Variants in LIN52 observed in about 807,000 individuals in gnomAD.
LIN52 encodes lin-52 DREAM MuvB core complex component, also known as protein lin-52 homolog.
LIN52 carries 4 observed loss-of-function variants against 18.5 expected under a neutral mutation model. That is an observed-to-expected ratio of 0.22 (90% CI 0.11 to 0.49). The LOEUF (loss-of-function observed/expected upper bound fraction) is 0.49. Among genes scored for constraint, LIN52 ranks in the 20% least tolerant of loss-of-function variants. The probability of loss-of-function intolerance (pLI) is 0.97; values close to 1 mark genes in which losing one functional copy is unlikely to be tolerated. For synonymous variants in LIN52, 34 were observed against 45.5 expected (o/e 0.75, Z 1.02); for missense variants, 102 against 139.5 (o/e 0.73, Z 1.35).
intron 5 of LIN52, among the ~76,000 whole-genome samples, chr14:74,164,287 GT>G (rs59345368): frequency 6.7e-6 from 1 of 148,532 alleles, no homozygotes; most frequent in African/African-American, 2.5e-5. Context: ...AGCCGTTTTT[GT>G]TTTTTTTTGC....
Position 74,197,714 on chromosome 14 carries a change from A to G in LIN52, c.284-1208A>G, listed in dbSNP as rs185506547. Reference sequence around the variant, plus strand: ...TTTGTTGGGGCACAGGAACTAGTGAAAGATGGGGAATGTATAGACTGAAGT... The same window carrying G: ...TTTGTTGGGGCACAGGAACTAGTGAGAGATGGGGAATGTATAGACTGAAGT... On this transcript the variant is annotated intron_variant, in intron 5 of 5. Transcript: ENST00000555028. Among the ~76,000 whole-genome samples, 242 of 152,324 alleles carry G rather than the reference A, an allele frequency of 1.6e-3. 6 individuals carry two copies. Among genetic ancestry groups the G allele is most frequent in the Admixed American group, 0.014 (220 of 15,300 alleles).
chr14:74,176,699 C>T (rs1449414133), intron 5 of LIN52, among the ~76,000 whole-genome samples: 1 of 152,136 alleles, frequency 6.6e-6, no homozygotes, highest in Non-Finnish European at 1.5e-5. Context: ...GGACCACCAT[C>T]ATGTATGTGG....
At chr14:74,135,451 G>A (rs773761371) in intron 5 of LIN52, among the ~76,000 whole-genome samples, 2 of 152,104 alleles carry the variant, frequency 1.3e-5, no homozygotes, top group Non-Finnish European at 2.9e-5. Flanking sequence ...CCTATAGTCA[G>A]CCCACAAGTC....
At chr14:74,194,915 C>T (rs1316088511) in intron 5 of LIN52, among the ~76,000 whole-genome samples, 4 of 152,164 alleles carry the variant, frequency 2.6e-5, no homozygotes, top group African/African-American at 7.2e-5. Context: ...GAGGCCAAGG[C>T]GGGCAGATCA....
chr14:74,119,290 T>A (rs911665056), intron 5 of LIN52, among the ~76,000 whole-genome samples: 1 of 150,338 alleles, frequency 6.7e-6, no homozygotes, highest in Non-Finnish European at 1.5e-5. Context: ...GCCTCCCGAA[T>A]AGCTAGGACT....
intron 5 of LIN52, among the ~76,000 whole-genome samples, chr14:74,130,278 G>GTTTTTTTTTTTTTTTTT (rs71460958): frequency 0.022 from 1,419 of 64,604 alleles, 249 homozygotes; most frequent in African/African-American, 0.059. Context: ...GCATTTTTTG[G>GTTTTTTTTTTTTTTTTT]TTTTTTTTTT....
chr14:74,105,839 A>G (rs1252814870), intron 5 of LIN52, among the ~76,000 whole-genome samples: 1 of 152,208 alleles, frequency 6.6e-6, no homozygotes, highest in Non-Finnish European at 1.5e-5. Context: ...ATTGTTTGTC[A>G]CTTCCCAAGA....
chr14:74,097,265 T>G (rs2060819742), intron 3 of LIN52, among the ~76,000 whole-genome samples: 1 of 152,188 alleles, frequency 6.6e-6, no homozygotes, highest in Non-Finnish European at 1.5e-5. Flanking sequence ...TCTTCCACAG[T>G]GATTTCTCTG....
intron 5 of LIN52, among the ~76,000 whole-genome samples, chr14:74,104,288 A>G (rs2060883151): frequency 6.6e-6 from 1 of 152,196 alleles, no homozygotes. Flanking sequence ...CAAATAGCCA[A>G]TCAGGGTTTA....
intron 5 of LIN52, among the ~76,000 whole-genome samples, chr14:74,171,010 G>A (rs1237402208): frequency 2.1e-5 from 3 of 141,512 alleles, no homozygotes; most frequent in Non-Finnish European, 3.0e-5. Context: ...GTGAGACTCC[G>A]TCTGTACCAA....
chr14:74,085,055 A>G (rs373681351), intron 1 of LIN52, 62 bp downstream of exon 1: 51 of 1,289,714 alleles, frequency 4.0e-5, no homozygotes, highest in Non-Finnish European at 4.6e-5. Flanking sequence ...GGGAACATCC[A>G]CTCTGTCTCT....
chr14:74,151,370 C>G (rs1252884826), intron 5 of LIN52, among the ~76,000 whole-genome samples: 2 of 151,902 alleles, frequency 1.3e-5, no homozygotes, highest in Non-Finnish European at 2.9e-5. Context: ...TGGATAGAAC[C>G]CTTGGAAAGG....
At chr14:74,108,830 G>T (rs2060911742) in intron 5 of LIN52, among the ~76,000 whole-genome samples, 1 of 152,086 alleles carries the variant, frequency 6.6e-6, no homozygotes, top group African/African-American at 2.4e-5. Context: ...TATATGACTT[G>T]CAAAAGTTTT....
intron 5 of LIN52, among the ~76,000 whole-genome samples, chr14:74,126,710 T>G (rs563186751): frequency 2.6e-5 from 4 of 152,184 alleles, no homozygotes; most frequent in Non-Finnish European, 5.9e-5. Context: ...AAAGGCAGAT[T>G]GGTGGTTCCC....
intron 5 of LIN52, among the ~76,000 whole-genome samples, chr14:74,156,640 G>A (rs2061200143): frequency 1.3e-5 from 2 of 152,084 alleles, no homozygotes; most frequent in Admixed American, 1.3e-4. Flanking sequence ...TCATTTCTTT[G>A]TGTTGGGAAC....
At chr14:74,184,914 A>C (rs1366702323) in intron 5 of LIN52, among the ~76,000 whole-genome samples, 1 of 151,928 alleles carries the variant, frequency 6.6e-6, no homozygotes, top group Non-Finnish European at 1.5e-5. Flanking sequence ...ACCCTAGTAC[A>C]TCTTTTTTCT....
intron 5 of LIN52, among the ~76,000 whole-genome samples, chr14:74,161,953 G>A (rs921067478): frequency 2.6e-5 from 4 of 152,188 alleles, no homozygotes; most frequent in Admixed American, 2.6e-4. Flanking sequence ...TGACAGAGAA[G>A]AAATGTAGCC....
intron 5 of LIN52, among the ~76,000 whole-genome samples, chr14:74,183,858 T>G (rs1226219434): frequency 6.6e-6 from 1 of 152,144 alleles, no homozygotes; most frequent in African/African-American, 2.4e-5. Context: ...TATTAACATA[T>G]CAAACAGAAT....
chr14:74,179,679 G>A (rs112713930), intron 5 of LIN52, among the ~76,000 whole-genome samples: 19 of 26,314 alleles, frequency 7.2e-4, no homozygotes, highest in Non-Finnish European at 1.5e-3. Context: ...AGAAAAAAAA[G>A]AAAAAAAAAT....
Sources: gnomAD v4.1 joint callset for allele counts (sites outside exome capture counted in the v4.1 genomes callset) on GRCh38, gnomAD v4.1.1 for gene constraint, MANE v1.5 for transcripts, NCBI Gene and HGNC (gene_info 2026-07-23, HGNC 2026-07-21) for gene names.